PEX14: variants seen among roughly 807,000 people sequenced by gnomAD.
PEX14 encodes peroxisomal membrane protein PEX14.
In PEX14, 15 loss-of-function variants were observed where a neutral mutation model predicts 49.5. The ratio of observed to expected loss-of-function variants is 0.30; its 90% CI spans 0.20 to 0.47. The LOEUF (loss-of-function observed/expected upper bound fraction) is 0.47, where lower values mean the gene tolerates loss of function less well. Among genes scored for constraint, PEX14 ranks in the 20% least tolerant of loss-of-function variants. PEX14 has a pLI of 1.00. For synonymous variants in PEX14, 210 were observed against 212.7 expected (o/e 0.99, Z 0.11); for missense variants, 398 against 494.8 (o/e 0.80, Z 1.86).
chr1:10,614,939 T>A (rs1053685980), intron 4 of PEX14, among the ~76,000 whole-genome samples: 8 of 152,218 alleles, frequency 5.3e-5, no homozygotes, highest in African/African-American at 1.9e-4. Context: ...AAGAGACACC[T>A]GACCAGGACT....
intron 4 of PEX14, among the ~76,000 whole-genome samples, 151 bp from the exon 5 acceptor site, chr1:10,618,178 TGTG>T (rs1641481785): frequency 6.6e-6 from 1 of 152,164 alleles, no homozygotes; most frequent in Non-Finnish European, 1.5e-5. Context: ...CGGCTGCTGT[TGTG>T]ATGATCATGT....
intron 1 of PEX14, among the ~76,000 whole-genome samples, chr1:10,485,284 A>G (rs983099015): frequency 2.0e-5 from 2 of 101,168 alleles, no homozygotes; most frequent in African/African-American, 7.7e-5. Context: ...GTGTAGTGTT[A>G]TTTATTTGTG....
Position 10,495,421 on chromosome 1 carries a change from C to G in PEX14, c.84+100C>G. 3 of 966,330 alleles carry G rather than the reference C, an allele frequency of 3.1e-6. No individual in the cohort carries two copies. The highest frequency in any genetic ancestry group is 4.9e-6 in the Non-Finnish European group (3 of 614,394). The allele number at this position is 966,330 out of a possible 1,614,324, so 59.9% of individuals were successfully genotyped here. On this transcript the variant is annotated intron_variant, in intron 2 of 8. Coordinates refer to ENST00000356607, the MANE Select transcript of PEX14 (RefSeq NM_004565.3). The surrounding 1 kb of genome is among the most constrained non-coding windows in gnomAD (Gnocchi z 4.2). ...CTATGGTTCTGCGTCAGTAGTGTCCCTTTAAAAGTAGCTGTTACCTAGAGA... is the reference window on the plus strand; with the variant it reads ...CTATGGTTCTGCGTCAGTAGTGTCCGTTTAAAAGTAGCTGTTACCTAGAGA...
rs558710005 is a variant in PEX14 at position 10,575,349 on chromosome 1, C to T, written c.170-23889C>T. ...ACACACTTTAGAAGTTCATAAATCA[C>T]AGGCAAAAAGTAAATGAGAATATGA... On this transcript the variant is annotated intron_variant, in intron 3 of 8. Transcript: ENST00000356607. Among the ~76,000 whole-genome samples, 14 of 152,182 alleles carry T rather than the reference C, an allele frequency of 9.2e-5. No individual in the cohort carries two copies. The South Asian group carries it at 2.9e-3, about 32-fold the overall frequency.
At chr1:10,605,858 C>T (rs1364533541) in intron 4 of PEX14, among the ~76,000 whole-genome samples, 4 of 152,192 alleles carry the variant, frequency 2.6e-5, no homozygotes, top group Middle Eastern at 3.4e-3. Context: ...TCCGTGGTGC[C>T]GGTTTGGATT....
At chr1:10,521,689 T>C (rs1036378951) in intron 2 of PEX14, among the ~76,000 whole-genome samples, 1 of 152,218 alleles carries the variant, frequency 6.6e-6, no homozygotes, top group African/African-American at 2.4e-5. Context: ...TGCTTTTTGA[T>C]TACCACCTTA....
chr1:10,502,796 C>CTTT (rs34497048), intron 2 of PEX14, among the ~76,000 whole-genome samples: 1 of 132,964 alleles, frequency 7.5e-6, no homozygotes, highest in Non-Finnish European at 1.6e-5. Flanking sequence ...TTTTCTTTTT[C>CTTT]TTTTTTTTTT....
intron 4 of PEX14, among the ~76,000 whole-genome samples, chr1:10,603,520 G>A (rs1293294805): frequency 6.6e-6 from 1 of 152,088 alleles, no homozygotes; most frequent in East Asian, 1.9e-4. Context: ...TGCTCTCGGG[G>A]GCTAGAAGAA....
chr1:10,484,888 G>A (rs1641341985), intron 1 of PEX14, among the ~76,000 whole-genome samples: 1 of 151,766 alleles, frequency 6.6e-6, no homozygotes, highest in Non-Finnish European at 1.5e-5. Context: ...CAGCAGAAGA[G>A]AGAGTCTCTT....
intron 2 of PEX14, among the ~76,000 whole-genome samples, chr1:10,520,145 C>CTTTTTTTT (rs1412156646): frequency 4.7e-5 from 3 of 64,446 alleles, no homozygotes; most frequent in African/African-American, 1.8e-4. Context: ...TGGCCTTCTT[C>CTTTTTTTT]TTCTTTTTTT....
intron 1 of PEX14, among the ~76,000 whole-genome samples, chr1:10,489,056 C>A (rs548750525): frequency 1.2e-4 from 18 of 152,328 alleles, no homozygotes; most frequent in Admixed American, 3.9e-4. Context: ...TCTCGGCTCA[C>A]CGCAACCCCC....
At chr1:10,575,284 A>T (rs1263440571) in intron 3 of PEX14, among the ~76,000 whole-genome samples, 1 of 152,198 alleles carries the variant, frequency 6.6e-6, no homozygotes, top group Non-Finnish European at 1.5e-5. Flanking sequence ...AAGCTATTAG[A>T]AATATAGAAG....
chr1:10,535,914 G>A (rs899594400), intron 2 of PEX14: 5 of 399,620 alleles, frequency 1.3e-5, no homozygotes, highest in Non-Finnish European at 2.4e-5. Flanking sequence ...CACACCTGCC[G>A]GGGAGTATGA....
Position 10,544,017 on chromosome 1 carries a change from G to A in PEX14, c.169+7720G>A, listed in dbSNP as rs115685396. ...GATGGTCCTGCTGAGTCCGTCTTCA[G>A]GTGTGGGGGATCTGGGCCGGGTTGG... On this transcript the variant is annotated intron_variant, in intron 3 of 8. Coordinates refer to ENST00000356607, the MANE Select transcript of PEX14 (RefSeq NM_004565.3). Among the ~76,000 whole-genome samples the A allele has an allele frequency of 5.1e-3, 770 of 152,352 alleles. 3 individuals are homozygous for A. The highest frequency in any genetic ancestry group is 0.017 in the African/African-American group (725 of 41,572).
chr1:10,528,171 C>G, intron 2 of PEX14: 1 of 200,092 alleles, frequency 5.0e-6, no homozygotes, highest in South Asian at 1.7e-4. Flanking sequence ...AGTAGCTGAC[C>G]CCCAGTGATG....
chr1:10,550,694 G>C (rs144999853), intron 3 of PEX14, among the ~76,000 whole-genome samples: 3 of 152,288 alleles, frequency 2.0e-5, no homozygotes, highest in African/African-American at 7.2e-5. Flanking sequence ...TCCTCAAAAA[G>C]TGTAAACATG....
chr1:10,486,809 C>G (rs1641377508), intron 1 of PEX14, among the ~76,000 whole-genome samples: 1 of 151,598 alleles, frequency 6.6e-6, no homozygotes, highest in Non-Finnish European at 1.5e-5. Context: ...GCCTCAGCCT[C>G]CTGAGTAGCT....
At chr1:10,624,819 G>T (rs1641698458) in intron 7 of PEX14, among the ~76,000 whole-genome samples, 2 of 152,132 alleles carry the variant, frequency 1.3e-5, no homozygotes, top group African/African-American at 4.8e-5. Flanking sequence ...GGCCAGGAGG[G>T]GTTCTGGAAC....
chr1:10,530,384 C>T (rs1321990902), intron 2 of PEX14, among the ~76,000 whole-genome samples: 2 of 152,234 alleles, frequency 1.3e-5, no homozygotes, highest in East Asian at 1.9e-4. Flanking sequence ...TGAGTGAAAA[C>T]ACTTAATTTG....
Sources: allele counts gnomAD v4.1 joint callset (sites outside exome capture counted in the v4.1 genomes callset), GRCh38; gene constraint gnomAD v4.1.1; non-coding constraint Gnocchi (gnomAD v3.1); transcripts MANE v1.5; gene names NCBI Gene and HGNC (gene_info 2026-07-23, HGNC 2026-07-21).